Variants in CHST9 observed in about 807,000 individuals in gnomAD.
CHST9 encodes the protein GalNAc-4-sulfotransferase 2.
Under a neutral mutation model 44.4 loss-of-function variants are expected in CHST9, and 41 were observed. The observed-to-expected ratio is 0.92, with a 90% confidence interval of 0.72 to 1.20. The LOEUF is 1.20. Among genes scored for constraint, CHST9 ranks in the 50% most tolerant of loss-of-function variants. The pLI, the probability that CHST9 is intolerant of heterozygous loss-of-function variation, is 0.00. For missense variants in CHST9, 504 were observed against 516.5 expected (o/e 0.98, Z 0.23); for synonymous variants, 171 against 178.4 (o/e 0.96, Z 0.33).
intron 3 of CHST9, among the ~76,000 whole-genome samples, chr18:27,033,591 C>T (rs563206609): frequency 6.6e-6 from 1 of 152,274 alleles, no homozygotes; most frequent in East Asian, 1.9e-4. Flanking sequence ...GATTGCTTTG[C>T]TCACCAGCAT....
chr18:27,075,689 ACATACTCCCAGATGTG>A (rs139747694), intron 2 of CHST9, among the ~76,000 whole-genome samples: 12,227 of 139,602 alleles, frequency 0.088, 624 homozygotes, highest in South Asian at 0.16. Context: ...TCTTCCACAC[ACATACTCCCAGATGTG>A]CAAAACTTCT....
At chr18:27,069,149 G>T (rs947237182) in intron 2 of CHST9, among the ~76,000 whole-genome samples, 1 of 152,082 alleles carries the variant, frequency 6.6e-6, no homozygotes, top group Non-Finnish European at 1.5e-5. Context: ...AGTGGTGTTA[G>T]GGTTAAATAA....
intron 2 of CHST9, among the ~76,000 whole-genome samples, chr18:27,112,797 A>T (rs938948531): frequency 6.6e-6 from 1 of 152,118 alleles, no homozygotes; most frequent in Non-Finnish European, 1.5e-5. Flanking sequence ...CATATAAATG[A>T]TTAATTTTCA....
intron 2 of CHST9, among the ~76,000 whole-genome samples, chr18:27,107,549 G>C (rs2058232163): frequency 6.6e-6 from 1 of 152,182 alleles, no homozygotes; most frequent in East Asian, 1.9e-4. Context: ...GCAGGCTTAG[G>C]TAATACACTG....
At chr18:27,018,434 C>T (rs2057180412) in intron 4 of CHST9, among the ~76,000 whole-genome samples, 1 of 151,766 alleles carries the variant, frequency 6.6e-6, no homozygotes, top group African/African-American at 2.4e-5. Context: ...CATATACAGC[C>T]CTTTCCCTAC....
chr18:27,014,073 A>G (rs1261148485), intron 4 of CHST9, among the ~76,000 whole-genome samples: 1 of 152,204 alleles, frequency 6.6e-6, no homozygotes, highest in African/African-American at 2.4e-5. Flanking sequence ...AGAACTCTGC[A>G]ACCAGGCCCT....
At chr18:26,945,063 A>C (rs564122447) in intron 4 of CHST9, among the ~76,000 whole-genome samples, 2 of 152,338 alleles carry the variant, frequency 1.3e-5, no homozygotes, top group South Asian at 4.1e-4. Context: ...GGAAAATAAA[A>C]TCCTTAGTAG....
intron 4 of CHST9, among the ~76,000 whole-genome samples, chr18:26,992,768 A>AT (rs1047276607): frequency 6.6e-6 from 1 of 152,152 alleles, no homozygotes; most frequent in East Asian, 1.9e-4. Context: ...AAACAATAGC[A>AT]TTTTTTTCTT....
At chr18:26,987,655 C>T (rs753681768) in intron 4 of CHST9, among the ~76,000 whole-genome samples, 2 of 152,024 alleles carry the variant, frequency 1.3e-5, no homozygotes, top group Non-Finnish European at 2.9e-5. Context: ...CTGAATGTGT[C>T]CCCCCATCTC....
intron 4 of CHST9, among the ~76,000 whole-genome samples, chr18:26,971,832 CGGCT>C (rs2056547918): frequency 4.7e-5 from 1 of 21,298 alleles, no homozygotes; most frequent in African/African-American, 3.0e-4. Flanking sequence ...ATAGCTCCCA[CGGCT>C]ATGGATAGCT....
chr18:26,992,472 G>A (rs1328871449), intron 4 of CHST9, among the ~76,000 whole-genome samples: 1 of 152,172 alleles, frequency 6.6e-6, no homozygotes, highest in Non-Finnish European at 1.5e-5. Context: ...AATGAATACA[G>A]ACTAGTTTTA....
At chr18:26,973,352 G>A (rs1054841440) in intron 4 of CHST9, among the ~76,000 whole-genome samples, 25 of 152,154 alleles carry the variant, frequency 1.6e-4, no homozygotes, top group African/African-American at 5.6e-4. Context: ...GTGTGTGCAT[G>A]AAAAAAATGA....
At chr18:27,029,488 CA>C (rs2057318313) in intron 3 of CHST9, among the ~76,000 whole-genome samples, 1 of 151,948 alleles carries the variant, frequency 6.6e-6, no homozygotes, top group South Asian at 2.1e-4. Flanking sequence ...AATTTGTGAC[CA>C]AAAATAGCAA....
chr18:27,002,024 T>C (rs1366235475), intron 4 of CHST9, among the ~76,000 whole-genome samples: 1 of 151,688 alleles, frequency 6.6e-6, no homozygotes, highest in Non-Finnish European at 1.5e-5. Flanking sequence ...TTTAAAGAAA[T>C]GCCCACTCAA....
intron 4 of CHST9, among the ~76,000 whole-genome samples, chr18:26,990,999 G>A (rs1268593462): frequency 6.6e-6 from 1 of 152,234 alleles, no homozygotes; most frequent in Non-Finnish European, 1.5e-5. Flanking sequence ...TTGGGGCTGA[G>A]ATCTGGCAGC....
At chr18:27,161,392 T>A (rs1180126002) in intron 1 of CHST9, among the ~76,000 whole-genome samples, 1 of 152,214 alleles carries the variant, frequency 6.6e-6, no homozygotes, top group Admixed American at 6.5e-5. Flanking sequence ...CAGGAGCAGG[T>A]TGTTCAGTTT....
chr18:27,089,452 C>A (rs1461634360), intron 2 of CHST9, among the ~76,000 whole-genome samples: 2 of 152,168 alleles, frequency 1.3e-5, no homozygotes, highest in Non-Finnish European at 2.9e-5. Context: ...CATGTCCCTG[C>A]AGAGGACAAG....
Position 26,916,797 on chromosome 18 carries a change from C to T in CHST9, c.794G>A (p.Gly265Glu). The T allele has an allele frequency of 6.2e-7, 1 of 1,613,796 alleles. No individual in the cohort carries two copies. The highest frequency in any genetic ancestry group is 8.5e-7 in the Non-Finnish European group (1 of 1,179,816). ...GTAAGTATTTAAGCGGGTATATATC[C>T]CTTTTAGGTCAAAGCTATCTAGCTT... ...LKKLDSFDLK[G>E]IYTRLNTYTK... is the part of the protein sequence containing the mutation. The change falls in exon 6 of 6, where the codon GGG becomes GAG. Residue 265 changes from glycine to glutamate, a missense_variant. By Grantham distance (98) the Gly-to-Glu change is moderately conservative. Coordinates refer to ENST00000618847, the MANE Select transcript of CHST9 (RefSeq NM_031422.6).
At chr18:27,172,512 T>C (rs1028965305) in intron 1 of CHST9, among the ~76,000 whole-genome samples, 1 of 151,996 alleles carries the variant, frequency 6.6e-6, no homozygotes. Context: ...CAGTACTTCT[T>C]AAGAACATGC....
Sources: gnomAD v4.1 joint callset for allele counts (sites outside exome capture counted in the v4.1 genomes callset) on GRCh38, gnomAD v4.1.1 for gene constraint, MANE v1.5 for transcripts, NCBI Gene and HGNC (gene_info 2026-07-23, HGNC 2026-07-21) for gene names.